TEAD4: variants seen among roughly 807,000 people sequenced by gnomAD.
TEAD4 encodes the protein transcriptional enhancer factor TEF-3.
A neutral mutation model predicts 52.4 loss-of-function variants in TEAD4; 36 were observed. That is an observed-to-expected ratio of 0.69 (90% CI 0.53 to 0.91). The LOEUF is 0.91. TEAD4 is among the 40% of genes least tolerant of loss of function. The pLI is 0.00. For synonymous variants in TEAD4, 220 were observed against 231.0 expected (o/e 0.95, Z 0.43); for missense variants, 508 against 583.9 (o/e 0.87, Z 1.34).
chr12:3,020,646 C>T lies in TEAD4; in HGVS notation c.596C>T (p.Pro199Leu), dbSNP rs1484777838. ...TCACTTTGTGCAGGGTTTGAGTCTC[C>T]TGCAGGGCCCGCCCCATCGCCCTCT... is the stretch of plus-strand genomic sequence containing the variant. Residue 199 changes from proline (P) to leucine (L), a missense_variant, in exon 9 of 13, where the codon CCT becomes CTT. Physicochemically the swap from Pro to Leu is moderately conservative, Grantham distance 98 (BLOSUM62 -3). Transcript: ENST00000359864. The T allele has an allele frequency of 6.3e-7, 1 of 1,582,010 alleles. No homozygotes were observed. Among genetic ancestry groups the T allele is most frequent in the Admixed American group, 1.8e-5 (1 of 55,710 alleles).
intron 10 of TEAD4, among the ~76,000 whole-genome samples, chr12:3,024,499 A>G (rs914135759): frequency 2.6e-5 from 4 of 152,070 alleles, no homozygotes; most frequent in African/African-American, 4.8e-5. Flanking sequence ...AACCCCATCT[A>G]TACAAAAAGT....
At chr12:2,992,091 C>T (rs988438969) in intron 2 of TEAD4, among the ~76,000 whole-genome samples, 2 of 144,180 alleles carry the variant, frequency 1.4e-5, no homozygotes, top group Non-Finnish European at 3.0e-5. Context: ...CCATCTTGGC[C>T]CACTGCAACC....
chr12:2,985,501 C>CTTTTTTTTTT (rs560522260), intron 2 of TEAD4, among the ~76,000 whole-genome samples: 2 of 83,016 alleles, frequency 2.4e-5, no homozygotes, highest in Non-Finnish European at 2.1e-5. Flanking sequence ...TTTACAAAAT[C>CTTTTTTTTTT]TTTTTTTTTT....
At chr12:2,970,205 A>G (rs752590085) in intron 2 of TEAD4, among the ~76,000 whole-genome samples, 3 of 152,268 alleles carry the variant, frequency 2.0e-5, no homozygotes, top group Non-Finnish European at 4.4e-5. Flanking sequence ...ACAAAGCGCT[A>G]GAACCGTAGT....
At chr12:3,010,148 G>T (rs1212194023) in intron 3 of TEAD4, among the ~76,000 whole-genome samples, 4 of 152,242 alleles carry the variant, frequency 2.6e-5, no homozygotes, top group African/African-American at 9.6e-5. Context: ...CCAAGGGCTT[G>T]CCTGACCACC....
At chr12:3,034,193 C>CGAT (rs2098277839) in intron 10 of TEAD4, among the ~76,000 whole-genome samples, 1 of 151,974 alleles carries the variant, frequency 6.6e-6, no homozygotes, top group African/African-American at 2.4e-5. Context: ...GGCACCTGAG[C>CGAT]GATGGGAAGA....
At chr12:3,013,573 A>C (rs920126179) in intron 5 of TEAD4, among the ~76,000 whole-genome samples, 1 of 152,154 alleles carries the variant, frequency 6.6e-6, no homozygotes, top group Non-Finnish European at 1.5e-5. Context: ...GTCTCTACTA[A>C]AAATATAAAA....
At chr12:2,983,447 A>G (rs567520659) in intron 2 of TEAD4, among the ~76,000 whole-genome samples, 4 of 152,252 alleles carry the variant, frequency 2.6e-5, no homozygotes, top group Admixed American at 2.6e-4. Context: ...GGGAGTGTGA[A>G]CCACAGATAC....
chr12:2,986,084 C>T (rs377466739), intron 2 of TEAD4, among the ~76,000 whole-genome samples: 1 of 151,736 alleles, frequency 6.6e-6, no homozygotes, highest in East Asian at 2.0e-4. Flanking sequence ...AATACTCCAT[C>T]TCAAAAAAAT....
chr12:3,006,248 G>A (rs918547287), intron 3 of TEAD4, among the ~76,000 whole-genome samples: 26 of 152,090 alleles, frequency 1.7e-4, no homozygotes, highest in African/African-American at 1.7e-4. Context: ...TCGTTGGACC[G>A]TTTTGGATTT....
intron 6 of TEAD4, among the ~76,000 whole-genome samples, chr12:3,018,171 T>C (rs1197205969): frequency 2.0e-5 from 3 of 152,186 alleles, no homozygotes; most frequent in Non-Finnish European, 4.4e-5. Context: ...CACTAGTCCA[T>C]CTGCATGTTA....
rs1388733012 is a variant in TEAD4, at chr12:3,040,182, A to T, written c.1114A>T (p.Asn372Tyr). The T allele has an allele frequency of 6.2e-7, 1 of 1,614,054 alleles. No homozygotes were observed. Among genetic ancestry groups the T allele is most frequent in the Non-Finnish European group, 8.5e-7 (1 of 1,180,034 alleles). Residue 372 changes from asparagine to tyrosine, a missense_variant, in exon 12 of 13, where the codon AAC (asparagine) becomes TAC (tyrosine). Asn to Tyr is a moderately radical substitution (Grantham distance 143). Coordinates refer to ENST00000359864, the MANE Select transcript of TEAD4 (RefSeq NM_003213.4). Reference sequence around the variant, plus strand: ...GTCCCCGCTCTGTGAGTACATGATCAACTTCATCCACAAGCTCAAGCACCT... The same window carrying T: ...GTCCCCGCTCTGTGAGTACATGATCTACTTCATCCACAAGCTCAAGCACCT...
At chr12:3,012,285 C>T (rs1422867543) in intron 5 of TEAD4, 53 bp downstream of exon 5, 1 of 1,580,570 alleles carries the variant, frequency 6.3e-7, no homozygotes, top group East Asian at 2.3e-5. Context: ...TGGCCAGCAG[C>T]ATATCTTCCC....
At chr12:2,961,303 C>T (rs1441808213) in intron 2 of TEAD4, among the ~76,000 whole-genome samples, 2 of 151,996 alleles carry the variant, frequency 1.3e-5, no homozygotes, top group Non-Finnish European at 1.5e-5. Context: ...AGACACTCAG[C>T]ACTTCCTTTG....
intron 10 of TEAD4, among the ~76,000 whole-genome samples, chr12:3,023,453 T>C (rs923916148): frequency 1.3e-5 from 2 of 152,114 alleles, no homozygotes; most frequent in Admixed American, 1.3e-4. Context: ...TGCATGTTCA[T>C]GGTTAAAATG....
intron 3 of TEAD4, among the ~76,000 whole-genome samples, chr12:3,006,338 G>A (rs2098255937): frequency 6.6e-6 from 1 of 152,080 alleles, no homozygotes; most frequent in South Asian, 2.1e-4. Flanking sequence ...CCCCAAATCT[G>A]GAACACTTCT....
intron 11 of TEAD4, 21 bp from the exon 12 acceptor site, chr12:3,040,086 T>C (rs2098281765): frequency 1.9e-6 from 3 of 1,613,294 alleles, no homozygotes; most frequent in African/African-American, 2.7e-5. Flanking sequence ...TCTAAGCCCC[T>C]GCTCTCCCCG....
intron 2 of TEAD4, among the ~76,000 whole-genome samples, chr12:2,986,617 G>A (rs2098238733): frequency 6.6e-6 from 1 of 151,316 alleles, no homozygotes; most frequent in Non-Finnish European, 1.5e-5. Context: ...TCCAGCCTGG[G>A]TGACAGAGTG....
intron 3 of TEAD4, among the ~76,000 whole-genome samples, chr12:2,998,902 G>A (rs1405705763): frequency 1.3e-5 from 2 of 152,106 alleles, no homozygotes; most frequent in African/African-American, 2.4e-5. Flanking sequence ...TCTGACAACC[G>A]CCCAGCCCCC....
Sources: allele counts gnomAD v4.1 joint callset (sites outside exome capture counted in the v4.1 genomes callset), GRCh38; gene constraint gnomAD v4.1.1; transcripts MANE v1.5; gene names NCBI Gene and HGNC (gene_info 2026-07-23, HGNC 2026-07-21).